Variants in CUL4A observed in about 807,000 individuals in gnomAD.
CUL4A encodes cullin 4A, also known as cullin-4A.
Under a neutral mutation model 95.5 loss-of-function variants are expected in CUL4A, and 16 were observed. The ratio of observed to expected loss-of-function variants is 0.17; its 90% CI spans 0.11 to 0.25. The LOEUF is 0.25. CUL4A is among the 10% of genes least tolerant of loss of function. The pLI is 1.00. For missense variants in CUL4A, 610 were observed against 937.0 expected, an observed-to-expected ratio of 0.65 and a Z score of 4.56; for synonymous variants, 380 against 353.1, an observed-to-expected ratio of 1.08 and a Z score of -0.85.
At chr13:113,221,764 G>A (rs988409781) in intron 3 of CUL4A, among the ~76,000 whole-genome samples, 2 of 152,042 alleles carry the variant, frequency 1.3e-5, no homozygotes, top group Non-Finnish European at 2.9e-5. Flanking sequence ...TTTTAGTAGA[G>A]ACGGGGTTTC....
chr13:113,231,900 A>G (rs1004001628), intron 5 of CUL4A, among the ~76,000 whole-genome samples: 2 of 152,068 alleles, frequency 1.3e-5, no homozygotes, highest in African/African-American at 2.4e-5. Context: ...GGTGGCTCCC[A>G]GGGCCCTCTG....
At chr13:113,217,142 T>C (rs1355707966) in intron 2 of CUL4A, among the ~76,000 whole-genome samples, 1 of 152,224 alleles carries the variant, frequency 6.6e-6, no homozygotes, top group Non-Finnish European at 1.5e-5. Context: ...TGATTTTTGC[T>C]GAAGAAAATA....
At chr13:113,235,865 G>T (rs2041523438) in intron 8 of CUL4A, among the ~76,000 whole-genome samples, 1 of 152,056 alleles carries the variant, frequency 6.6e-6, no homozygotes, top group Non-Finnish European at 1.5e-5. Flanking sequence ...CAGCTACTTG[G>T]GAGGCTGAGG....
At chr13:113,237,454 A>C (rs1204528737) in intron 9 of CUL4A, among the ~76,000 whole-genome samples, 1 of 152,234 alleles carries the variant, frequency 6.6e-6, no homozygotes, top group Non-Finnish European at 1.5e-5. Context: ...AAGTGGTGGC[A>C]GTACCTGGCC....
At chr13:113,226,331 G>C (rs942434271) in intron 3 of CUL4A, among the ~76,000 whole-genome samples, 1 of 152,220 alleles carries the variant, frequency 6.6e-6, no homozygotes, top group Non-Finnish European at 1.5e-5. Context: ...GTATTGTGTT[G>C]CTGACAGGCG....
In CUL4A at chr13:113,266,052, G is replaced by C. The variant is rs1416728012; in HGVS notation, c.*2470G>C. ...TTTATTTAGAGACAGGGTCTTAACT[G>C]TCACCTGGACTGGAGTGCAGTGGCA... On this transcript the variant is annotated 3_prime_UTR_variant, in exon 20 of 20. Coordinates refer to ENST00000375440, the MANE Select transcript of CUL4A (RefSeq NM_001008895.4). 1.3e-5 allele frequency: 2 copies of C among 152,190 alleles called. No individual in the cohort carries two copies. Among genetic ancestry groups the C allele is most frequent in the Non-Finnish European group, 2.9e-5 (2 of 68,032 alleles). 9.4% of individuals were successfully genotyped at this position (152,190 alleles called of 1,614,324 possible). A position where few individuals can be genotyped will look rare whatever the true frequency, so the allele number is the denominator to read the frequency against.
At chr13:113,245,595 C>G (rs1407263362) in intron 14 of CUL4A, among the ~76,000 whole-genome samples, 1 of 152,098 alleles carries the variant, frequency 6.6e-6, no homozygotes, top group African/African-American at 2.4e-5. Context: ...ATAGCAGTAC[C>G]TTGTCATAGA....
In CUL4A at chr13:113,239,364, T is replaced by C. The variant is rs150212219; in HGVS notation, c.917-69T>C. 1.0e-5 allele frequency: 13 copies of C among 1,303,594 alleles called. No homozygotes were observed. In the African/African-American group the frequency reaches 1.7e-4, roughly 17 times the overall value. 80.8% of individuals were successfully genotyped at this position (1,303,594 alleles called of 1,614,324 possible). A position where few individuals can be genotyped will look rare whatever the true frequency, so the allele number is the denominator to read the frequency against. ...GTATTGACGTTCTTCTGGTGCACGC[T>C]GTATTCTAGTTGAGTTGTTGTTAAT... On this transcript the variant is annotated intron_variant, in intron 9 of 19. Transcript: ENST00000375440.
upstream of CUL4A, chr13:113,208,467 C>T (rs1192604581): frequency 5.2e-6 from 8 of 1,529,536 alleles, no homozygotes; most frequent in Non-Finnish European, 6.1e-6. Context: ...CGCGGCTGCC[C>T]GCCGGGGACC....
At chr13:113,225,114 G>C (rs924497093) in intron 3 of CUL4A, among the ~76,000 whole-genome samples, 1 of 151,872 alleles carries the variant, frequency 6.6e-6, no homozygotes, top group African/African-American at 2.4e-5. Flanking sequence ...GATTTTGTTT[G>C]CTGTTTGAAG....
At chr13:113,261,497 A>G (rs7327618) in intron 19 of CUL4A, among the ~76,000 whole-genome samples, 146,592 of 152,276 alleles carry the variant, frequency 0.96, 70,802 homozygotes, top group East Asian at 1. Context: ...CCATCAGCCC[A>G]CATTTGCCCC....
chr13:113,245,829 C>T (rs550972971), intron 14 of CUL4A, 127 bp from the exon 15 acceptor site: 6 of 734,456 alleles, frequency 8.2e-6, no homozygotes, highest in Non-Finnish European at 1.3e-5. Flanking sequence ...GGAATACATT[C>T]TGGGGACTGA....
intron 2 of CUL4A, among the ~76,000 whole-genome samples, chr13:113,216,158 G>A (rs1465888617): frequency 1.3e-5 from 2 of 151,096 alleles, no homozygotes; most frequent in African/African-American, 4.9e-5. Context: ...GGAGGTCTTT[G>A]TGTGACTATG....
At position 113,263,833 on chromosome 13, in the gene CUL4A, T is replaced by C; in HGVS notation, c.*251T>C. On this transcript the variant is annotated 3_prime_UTR_variant, in exon 20 of 20. Transcript: ENST00000375440. ...TTTCTGTTACTCTGTGCAAAATAAC[T>C]TTGAGATTGGACAAGAAGATGTTAC... is the stretch of plus-strand genomic sequence containing the variant. 3.0e-6 allele frequency: 1 copy of C among 337,662 alleles called. No individual in the cohort carries two copies. The highest frequency in any genetic ancestry group is 5.3e-6 in the Non-Finnish European group (1 of 188,220). The allele number at this position is 337,662 out of a possible 1,614,324, so 20.9% of individuals were successfully genotyped here.
In CUL4A at chr13:113,210,003, A is replaced by C. The variant is rs1052562421; in HGVS notation, c.179A>C (p.Gln60Pro). The change falls in exon 2 of 20, where the codon CAG (glutamine) becomes CCG (proline). Residue 60 changes from glutamine to proline, a missense_variant. Coordinates refer to ENST00000375440, the MANE Select transcript of CUL4A (RefSeq NM_001008895.4). ...CCTCGGCTGCCCGACAACTACACGC[A>C]GGACACGTGGCGGAAGCTGCACGAG... ...DRPRLPDNYTQDTWRKLHEAV... is the reference protein window; with the variant it reads ...DRPRLPDNYTPDTWRKLHEAV... The C allele has an allele frequency of 1.3e-6, 2 of 1,521,962 alleles. No individual in the cohort carries two copies. The highest frequency in any genetic ancestry group is 2.9e-5 in the African/African-American group (2 of 69,224). 94.3% of individuals were successfully genotyped at this position (1,521,962 alleles called of 1,614,324 possible). A position where few individuals can be genotyped will look rare whatever the true frequency, so the allele number is the denominator to read the frequency against.
chr13:113,237,421 G>A (rs1469888577), intron 9 of CUL4A, among the ~76,000 whole-genome samples: 6 of 152,332 alleles, frequency 3.9e-5, no homozygotes, highest in Non-Finnish European at 5.9e-5. Flanking sequence ...CTGACGGCGC[G>A]GCCTTCACGT....
chr13:113,212,539 T>G (rs963124382), intron 2 of CUL4A, among the ~76,000 whole-genome samples: 2 of 152,206 alleles, frequency 1.3e-5, no homozygotes, highest in African/African-American at 4.8e-5. Context: ...TCCCAGCACT[T>G]TGGGAGGCCA....
chr13:113,217,414 G>A (rs1555410291), intron 2 of CUL4A, among the ~76,000 whole-genome samples: 1 of 152,192 alleles, frequency 6.6e-6, no homozygotes, highest in Non-Finnish European at 1.5e-5. Context: ...AATGTAGGGG[G>A]AAAGTTTGTA....
intron 15 of CUL4A, among the ~76,000 whole-genome samples, chr13:113,246,443 T>C (rs150791843): frequency 3.1e-4 from 47 of 152,372 alleles, no homozygotes; most frequent in African/African-American, 1.1e-3. Flanking sequence ...TTAGCTACAC[T>C]AAACCCTTCA....
Sources: allele counts gnomAD v4.1 joint callset (sites outside exome capture counted in the v4.1 genomes callset), GRCh38; gene constraint gnomAD v4.1.1; transcripts MANE v1.5; gene names NCBI Gene and HGNC (gene_info 2026-07-23, HGNC 2026-07-21).